The following ZDHHC21 variants were observed in gnomAD, a reference collection of about 807,000 sequenced individuals.
ZDHHC21 encodes the protein zDHHC palmitoyltransferase 21, also known as palmitoyltransferase ZDHHC21.
ZDHHC21 carries 15 observed loss-of-function variants against 34.6 expected under a neutral mutation model. The observed-to-expected ratio is 0.43, with a 90% confidence interval of 0.29 to 0.67. The LOEUF is 0.67. Among genes scored for constraint, ZDHHC21 ranks in the 30% least tolerant of loss-of-function variants. The probability of loss-of-function intolerance (pLI) is 0.14; values close to 1 mark genes in which losing one functional copy is unlikely to be tolerated. For synonymous variants in ZDHHC21, 142 were observed against 101.8 expected (o/e 1.40, Z -2.38); for missense variants, 344 against 327.7 (o/e 1.05, Z -0.38).
intron 3 of ZDHHC21, among the ~76,000 whole-genome samples, chr9:14,677,844 A>G (rs974700629): frequency 6.6e-6 from 1 of 152,148 alleles, no homozygotes; most frequent in Non-Finnish European, 1.5e-5. Context: ...GTATTTCACC[A>G]TATATTCTCC....
intron 8 of ZDHHC21, among the ~76,000 whole-genome samples, chr9:14,629,246 G>A (rs939470109): frequency 1.3e-5 from 2 of 152,116 alleles, no homozygotes; most frequent in Non-Finnish European, 2.9e-5. Context: ...TTTGGAGGGA[G>A]CATTATTCAA....
intron 7 of ZDHHC21, among the ~76,000 whole-genome samples, chr9:14,658,165 G>C (rs529308367): frequency 3.3e-5 from 5 of 152,130 alleles, no homozygotes; most frequent in African/African-American, 9.6e-5. Flanking sequence ...TTTTGTCTTT[G>C]TTTTTCATTA....
At chr9:14,668,566 A>G (rs1204240867) in intron 5 of ZDHHC21, among the ~76,000 whole-genome samples, 1 of 150,754 alleles carries the variant, frequency 6.6e-6, no homozygotes, top group Non-Finnish European at 1.5e-5. Flanking sequence ...CCAAAAGAAC[A>G]AAGCTGGAGG....
intron 5 of ZDHHC21, among the ~76,000 whole-genome samples, chr9:14,668,782 G>T (rs1475003543): frequency 1.5e-5 from 2 of 132,346 alleles, no homozygotes; most frequent in Non-Finnish European, 3.2e-5. Context: ...ATGGTGCTGG[G>T]AAAACTGGCT....
chr9:14,634,112 C>A (rs1211096068), intron 8 of ZDHHC21, among the ~76,000 whole-genome samples: 1 of 152,148 alleles, frequency 6.6e-6, no homozygotes, highest in Non-Finnish European at 1.5e-5. Context: ...TTGCTGGCAC[C>A]TGAACACTCC....
chr9:14,659,586 C>T lies in ZDHHC21; in HGVS notation c.366-699G>A, dbSNP rs925012920. ...CAAATTGTCAAAGTATCCTAAAATT[C>T]CAGCAAAAAACCCTAGTTCAAGACT... On this transcript the variant is annotated intron_variant, in intron 6 of 9. Transcript: ENST00000380916. Among the ~76,000 whole-genome samples, 20 of 152,214 alleles carry T rather than the reference C, an allele frequency of 1.3e-4. 1 individual carries two copies. Among genetic ancestry groups the T allele is most frequent in the African/African-American group, 3.9e-4 (16 of 41,536 alleles).
the ZDHHC21 span, chr9:14,593,811 T>C: frequency 1.3e-5 from 2 of 152,320 alleles, no homozygotes; most frequent in Non-Finnish European, 2.9e-5. Flanking sequence ...GGATGGAAAA[T>C]GGTGGATGGC....
chr9:14,673,484 C>A (rs1423982887), intron 4 of ZDHHC21, among the ~76,000 whole-genome samples: 1 of 150,972 alleles, frequency 6.6e-6, no homozygotes, highest in African/African-American at 2.4e-5. Flanking sequence ...CACCATAATT[C>A]TACATTTTTA....
intron 3 of ZDHHC21, among the ~76,000 whole-genome samples, chr9:14,678,093 C>T (rs1184557338): frequency 6.6e-6 from 1 of 152,058 alleles, no homozygotes; most frequent in East Asian, 1.9e-4. Flanking sequence ...TCTGCTTACT[C>T]ATCTAAATTC....
At chr9:14,592,844 A>G in the ZDHHC21 span, among the ~76,000 whole-genome samples, 1 of 152,194 alleles carries the variant, frequency 6.6e-6, no homozygotes, top group African/African-American at 2.4e-5. Context: ...GAATTAAATT[A>G]GAAATCAACA....
chr9:14,684,951 G>A (rs36143428), intron 2 of ZDHHC21, among the ~76,000 whole-genome samples: 3,102 of 152,286 alleles, frequency 0.02, 105 homozygotes, highest in African/African-American at 0.07. Context: ...AAGCAATGGG[G>A]AAAGGATTCC....
intron 3 of ZDHHC21, among the ~76,000 whole-genome samples, chr9:14,676,441 T>G (rs528118695): frequency 2.0e-5 from 3 of 152,036 alleles, no homozygotes; most frequent in African/African-American, 7.2e-5. Flanking sequence ...AAGGAATACT[T>G]GATTTTAAAG....
At chr9:14,597,095 G>A in the ZDHHC21 span, among the ~76,000 whole-genome samples, 2 of 152,094 alleles carry the variant, frequency 1.3e-5, no homozygotes, top group African/African-American at 4.8e-5. Flanking sequence ...ACTAGTATAG[G>A]GAAATGCCTG....
At chr9:14,591,844 C>G in the ZDHHC21 span, among the ~76,000 whole-genome samples, 1 of 152,200 alleles carries the variant, frequency 6.6e-6, no homozygotes, top group Middle Eastern at 3.4e-3. Flanking sequence ...AGCTTAAAAT[C>G]TATTTTGCCT....
At chr9:14,607,220 G>A (rs958796195), downstream of ZDHHC21, among the ~76,000 whole-genome samples, 1 of 152,084 alleles carries the variant, frequency 6.6e-6, no homozygotes, top group African/African-American at 2.4e-5. Context: ...GGCCAAGGCG[G>A]GCAGACTGCT....
chr9:14,594,775 T>C, the ZDHHC21 span, among the ~76,000 whole-genome samples: 1 of 152,098 alleles, frequency 6.6e-6, no homozygotes, highest in African/African-American at 2.4e-5. Flanking sequence ...AAGAAAATAT[T>C]TGCAAATCAT....
chr9:14,683,312 TAAAGAAGAAA>T (rs966215686), intron 2 of ZDHHC21, among the ~76,000 whole-genome samples: 21 of 135,064 alleles, frequency 1.6e-4, no homozygotes, highest in Admixed American at 6.8e-4. Flanking sequence ...GCAAGACTAA[TAAAGAAGAAA>T]AGAGAGAAGA....
At chr9:14,608,824 T>C (rs904027608), downstream of ZDHHC21, among the ~76,000 whole-genome samples, 7 of 152,160 alleles carry the variant, frequency 4.6e-5, no homozygotes, top group African/African-American at 7.2e-5. Context: ...TGTATGCATT[T>C]GTTCATCTAC....
the ZDHHC21 span, among the ~76,000 whole-genome samples, chr9:14,598,639 T>C: frequency 6.6e-6 from 1 of 151,534 alleles, no homozygotes; most frequent in Non-Finnish European, 1.5e-5. Flanking sequence ...CTGGAAAAAA[T>C]GCAGAATGAT....
Sources: gnomAD v4.1 joint callset for allele counts (sites outside exome capture counted in the v4.1 genomes callset) on GRCh38, gnomAD v4.1.1 for gene constraint, MANE v1.5 for transcripts, NCBI Gene and HGNC (gene_info 2026-07-23, HGNC 2026-07-21) for gene names.